The following SPEG variants were observed in gnomAD, a reference collection of about 807,000 sequenced individuals.
The protein encoded by SPEG is striated muscle preferentially expressed protein kinase.
Under a neutral mutation model 300.4 loss-of-function variants are expected in SPEG, and 114 were observed. That is an observed-to-expected ratio of 0.38 (90% CI 0.33 to 0.44). The LOEUF (loss-of-function observed/expected upper bound fraction) is 0.44, where lower values mean the gene tolerates loss of function less well. Among genes scored for constraint, SPEG ranks in the 20% least tolerant of loss-of-function variants. The pLI, the probability that SPEG is intolerant of heterozygous loss-of-function variation, is 1.00. For missense variants in SPEG, 4,201 were observed against 4,586.2 expected, an observed-to-expected ratio of 0.92 and a Z score of 2.43; for synonymous variants, 1,964 against 2,018.9, an observed-to-expected ratio of 0.97 and a Z score of 0.73.
intron 22 of SPEG, 35 bp downstream of exon 22, chr2:219,478,140 A>G: frequency 1.3e-6 from 2 of 1,566,968 alleles, no homozygotes; most frequent in Non-Finnish European, 1.8e-6. Flanking sequence ...AGGGGGATCC[A>G]TGCCTAAATG....
chr2:219,467,238 G>T lies in SPEG; in HGVS notation c.2946G>T (p.Gly982=). ...TGCAGGACGTGGACGTGGGGGCCGG[G>T]GAGATGGCGCTGTTTGAGTGCCTGG... The part of the protein sequence containing the change: ...APLQDVDVGA[G]EMALFECLVA... The change falls in exon 10 of 41, where the codon GGG becomes GGT. Residue 982 remains glycine, a synonymous_variant. Coordinates refer to ENST00000312358, the MANE Select transcript of SPEG (RefSeq NM_005876.5). 1 of 1,605,238 alleles carries T rather than the reference G, an allele frequency of 6.2e-7. No homozygotes were observed.
chr2:219,436,239 A>G (rs1172571007), intron 1 of SPEG, among the ~76,000 whole-genome samples: 1 of 152,228 alleles, frequency 6.6e-6, no homozygotes. Context: ...AGGGGAGGGC[A>G]AGAGGCTGGG....
intron 9 of SPEG, chr2:219,465,523 T>C (rs1691188479): frequency 6.3e-6 from 1 of 158,614 alleles, no homozygotes; most frequent in South Asian, 1.8e-4. Context: ...AGGGCCTGGC[T>C]CTGCCTCGCT....
At position 219,435,378 on chromosome 2, in the gene SPEG, T is replaced by C. The variant is rs1954689422; in HGVS notation, c.388+13T>C. 6.6e-7 allele frequency: 1 copy of C among 1,526,392 alleles called. No individual in the cohort carries two copies. Among genetic ancestry groups the C allele is most frequent in the Non-Finnish European group, 8.7e-7 (1 of 1,144,908 alleles). 94.6% of individuals were successfully genotyped at this position (1,526,392 alleles called of 1,614,324 possible). On this transcript the variant is annotated intron_variant, in intron 1 of 40. Coordinates refer to ENST00000312358, the MANE Select transcript of SPEG (RefSeq NM_005876.5). ...CTGGAGGTCGGAGGTAAAGGGCAGGTGGGGGCCGCGCCCGGCAGGGGCGGG... is the reference window on the plus strand; with the variant it reads ...CTGGAGGTCGGAGGTAAAGGGCAGGCGGGGGCCGCGCCCGGCAGGGGCGGG...
At position 219,443,956 on chromosome 2, in the gene SPEG, C is replaced by A; in HGVS notation, c.389-697C>A. On this transcript the variant is annotated intron_variant, in intron 1 of 40. Transcript: ENST00000312358. This position sits in a 1 kb window ranked among gnomAD's most constrained non-coding sequence, Gnocchi z 4.6. ...ACGCCCCTTCTGTCTTGACTGCCCT[C>A]CATGCCCTGCCCCACAAACGCTCTG... 1 of 1,280,456 alleles carries A rather than the reference C, an allele frequency of 7.8e-7. No individual in the cohort carries two copies. The highest frequency in any genetic ancestry group is 1.2e-5 in the South Asian group (1 of 82,210). The allele number at this position is 1,280,456 out of a possible 1,614,324, so 79.3% of individuals were successfully genotyped here.
chr2:219,452,595 A>T (rs1689848892), intron 6 of SPEG, among the ~76,000 whole-genome samples: 1 of 151,834 alleles, frequency 6.6e-6, no homozygotes, highest in Non-Finnish European at 1.5e-5. Flanking sequence ...GGGTGACCAG[A>T]CCTGGATCAG....
chr2:219,473,765 T>A lies in SPEG; in HGVS notation c.4309T>A (p.Tyr1437Asn). Reference protein sequence around the residue: ...GALLEARAGVYELSQPDDDQY... With the variant: ...GALLEARAGVNELSQPDDDQY... ...CCTCCTAGAGGCACGGGCCGGTGTGTACGAGCTGAGCCAGCCAGATGATGA... is the reference window on the plus strand; with the variant it reads ...CCTCCTAGAGGCACGGGCCGGTGTGAACGAGCTGAGCCAGCCAGATGATGA... The change falls in exon 18 of 41, where the codon TAC becomes AAC. Residue 1437 changes from tyrosine to asparagine, a missense_variant. Coordinates refer to ENST00000312358, the MANE Select transcript of SPEG (RefSeq NM_005876.5). This position sits in a 1 kb window ranked among gnomAD's most constrained non-coding sequence, Gnocchi z 4.6. The A allele has an allele frequency of 6.2e-7, 1 of 1,614,038 alleles. No individual in the cohort carries two copies. The highest frequency in any genetic ancestry group is 8.5e-7 in the Non-Finnish European group (1 of 1,180,008).
chr2:219,468,873 G>A lies in SPEG; in HGVS notation c.3316G>A (p.Glu1106Lys), dbSNP rs1691616834. The change falls in exon 12 of 41, where the codon GAG becomes AAG. Residue 1106 changes from glutamate to lysine, a missense_variant. Physicochemically the swap from Glu to Lys is moderately conservative, Grantham distance 56. Around this residue, in one of 4 missense-constraint regions of SPEG, gnomAD observed 1,047 missense variants for 1,356.8 expected, o/e 0.77. Transcript: ENST00000312358. ...TWTHFGCPME[E>K]SENLRLRQDG... ...CCTTTCTGCAGGCTGCCCCATGGAGGAGAGTGAGAACTTGCGGCTGCGGCA... is the reference window on the plus strand; with the variant it reads ...CCTTTCTGCAGGCTGCCCCATGGAGAAGAGTGAGAACTTGCGGCTGCGGCA... 6.2e-7 allele frequency: 1 copy of A among 1,613,080 alleles called. No individual in the cohort carries two copies.
At position 219,435,039 on chromosome 2, in the gene SPEG, G is replaced by C; in HGVS notation, c.62G>C (p.Gly21Ala). The C allele has an allele frequency of 1.3e-6, 2 of 1,494,482 alleles. No homozygotes were observed. Among genetic ancestry groups the C allele is most frequent in the South Asian group, 1.2e-5 (1 of 80,382 alleles). 92.6% of individuals were successfully genotyped at this position (1,494,482 alleles called of 1,614,324 possible). ...DAGTRAPPSP[G>A]VPPKRAKVGA... ...GGCACGAGGGCACCCCCCAGCCCCGGAGTGCCCCCGAAAAGGGCCAAGGTG... is the reference window on the plus strand; with the variant it reads ...GGCACGAGGGCACCCCCCAGCCCCGCAGTGCCCCCGAAAAGGGCCAAGGTG... Residue 21 changes from glycine to alanine, a missense_variant, in exon 1 of 41, where the codon GGA becomes GCA. Gly to Ala is a moderately conservative substitution (Grantham distance 60). Transcript: ENST00000312358.
chr2:219,448,265 G>A lies in SPEG; in HGVS notation c.1107G>A (p.Ala369=), dbSNP rs368196077. The A allele has an allele frequency of 1.5e-5, 24 of 1,612,108 alleles. No individual in the cohort carries two copies. In the African/African-American group the frequency reaches 2.1e-4, roughly 14 times the overall value. ...KSSGPSLAGT[A]ESRPQTPLSE... ...CCGGGCCCTCCCTGGCGGGCACCGC[G>A]GAATCCCGACCCCAGACGCCACTGA... Residue 369 remains alanine, a synonymous_variant, in exon 4 of 41, where the codon GCG becomes GCA. Transcript: ENST00000312358.
At chr2:219,457,411 C>T (rs1455200043) in intron 6 of SPEG, among the ~76,000 whole-genome samples, 1 of 152,104 alleles carries the variant, frequency 6.6e-6, no homozygotes, top group Non-Finnish European at 1.5e-5. Flanking sequence ...AATGAAACCC[C>T]GTCTCTACTA....
intron 18 of SPEG, among the ~76,000 whole-genome samples, chr2:219,476,364 G>T (rs1484646762): frequency 6.6e-6 from 1 of 152,188 alleles, no homozygotes; most frequent in Non-Finnish European, 1.5e-5. Context: ...AGGGTCACAG[G>T]CTGAGCCACC....
At position 219,492,290 on chromosome 2, in the gene SPEG, A is replaced by T. The variant is rs754408828; in HGVS notation, c.9611+30A>T. On this transcript the variant is annotated intron_variant, in intron 40 of 40. Coordinates refer to ENST00000312358, the MANE Select transcript of SPEG (RefSeq NM_005876.5). ...GTGAGCCCCACACCTGCTATCCCCC[A>T]GTGTTACCTGCCCCTGGCCTGGCCT... 18 of 1,599,468 alleles carry T rather than the reference A, an allele frequency of 1.1e-5. No homozygotes were observed. In the Admixed American group the frequency reaches 2.9e-4, roughly 25 times the overall value.
rs779462949 is a variant in SPEG at position 219,443,076 on chromosome 2, C to A, written c.389-1577C>A. ...AGGGACCTTAGGAACAAGCCTCCCC[C>A]TCAACTACTCATTCTGGCTTTTCTC... On this transcript the variant is annotated intron_variant, in intron 1 of 40. Transcript: ENST00000312358. This position sits in a 1 kb window ranked among gnomAD's most constrained non-coding sequence, Gnocchi z 4.6. The A allele has an allele frequency of 1.2e-6, 2 of 1,605,168 alleles. No individual in the cohort carries two copies. The highest frequency in any genetic ancestry group is 2.7e-5 in the African/African-American group (2 of 74,794).
At chr2:219,482,214 G>A (rs112122373) in intron 28 of SPEG, 7 of 177,890 alleles carry the variant, frequency 3.9e-5, no homozygotes, top group Non-Finnish European at 4.8e-5. Context: ...TGGAAAGAGC[G>A]CCTGAATAAA....
chr2:219,483,428 C>A lies in SPEG; in HGVS notation c.5965C>A (p.Pro1989Thr). ...CTCTCAGGACCAGGAGGCTCCCAGC[C>A]CAGAGGCCCTCCCCTCCCCAGGCCA... ...APSQDQEAPS[P>T]EALPSPGQEP... Residue 1989 changes from proline (P) to threonine (T), a missense_variant, in exon 30 of 41, where the codon CCA becomes ACA. By Grantham distance (38) the Pro-to-Thr change is conservative (BLOSUM62 -1). Around this residue, in one of 4 missense-constraint regions of SPEG, gnomAD observed 1,578 missense variants for 1,506.0 expected, o/e 1.05. Transcript: ENST00000312358. 1 of 1,567,834 alleles carries A rather than the reference C, an allele frequency of 6.4e-7. No individual in the cohort carries two copies. The highest frequency in any genetic ancestry group is 8.6e-7 in the Non-Finnish European group (1 of 1,164,232).
rs1174850355 is a variant in SPEG at position 219,469,268 on chromosome 2, G to A, written c.3604G>A (p.Ala1202Thr). The change falls in exon 13 of 41, where the codon GCC (alanine) becomes ACC (threonine). Residue 1202 changes from alanine (A) to threonine (T), a missense_variant. Ala to Thr is a moderately conservative substitution (Grantham distance 58). Coordinates refer to ENST00000312358, the MANE Select transcript of SPEG (RefSeq NM_005876.5). The part of the protein sequence containing the change: ...RPLQDLEVGL[A>T]KEAMLECQVT... Reference sequence around the variant, plus strand: ...ACTGCAGGACCTGGAGGTGGGACTGGCCAAGGAGGCCATGCTAGAGTGCCA... The same window carrying A: ...ACTGCAGGACCTGGAGGTGGGACTGACCAAGGAGGCCATGCTAGAGTGCCA... The A allele has an allele frequency of 1.9e-6, 3 of 1,613,864 alleles. No individual in the cohort carries two copies. The highest frequency in any genetic ancestry group is 2.2e-5 in the South Asian group (2 of 91,078).
chr2:219,440,904 T>G (rs1954845443), intron 1 of SPEG, among the ~76,000 whole-genome samples: 1 of 152,244 alleles, frequency 6.6e-6, no homozygotes, highest in Admixed American at 6.5e-5. Context: ...AAATCAGGAT[T>G]GGCACTACCT....
rs200342872 is a variant in SPEG, at chr2:219,477,306, T to G, written c.4590T>G (p.His1530Gln). 6.2e-7 allele frequency: 1 copy of G among 1,612,974 alleles called. No individual in the cohort carries two copies. The highest frequency in any genetic ancestry group is 1.7e-5 in the Admixed American group (1 of 59,966). The change falls in exon 20 of 41, where the codon CAT becomes CAG. Residue 1530 changes from histidine to glutamine, a missense_variant. This residue lies in a region of SPEG where 1,047 missense variants were observed against 1,356.8 expected (regional missense o/e 0.77). Coordinates refer to ENST00000312358, the MANE Select transcript of SPEG (RefSeq NM_005876.5). The surrounding 1 kb of genome is among the most constrained non-coding windows in gnomAD (Gnocchi z 6.4). ...KDEVLLTESS[H>Q]VSFVYEENEC... ...AGGTGCTGCTGACCGAGAGCAGCCA[T>G]GTGAGCTTCGTGTACGAGGAGAATG...
Sources: gnomAD v4.1 joint callset for allele counts (sites outside exome capture counted in the v4.1 genomes callset) on GRCh38, gnomAD v4.1.1 for gene constraint, gnomAD v4.1.1 regional missense constraint, Gnocchi (gnomAD v3.1) non-coding constraint, MANE v1.5 for transcripts, NCBI Gene and HGNC (gene_info 2026-07-23, HGNC 2026-07-21) for gene names.